Variants in PBX1 observed in about 807,000 individuals in gnomAD.
PBX1 encodes the protein PBX homeobox 1.
In PBX1, 6 loss-of-function variants were observed where a neutral mutation model predicts 53.4. The observed-to-expected ratio is 0.11, with a 90% CI of 0.06 to 0.22. The LOEUF is 0.22. Ranked by LOEUF, PBX1 falls within the 10% of genes least tolerant of loss-of-function variation. The pLI is 1.00. For synonymous variants in PBX1, 204 were observed against 212.3 expected (o/e 0.96, Z 0.34); for missense variants, 251 against 551.4 (o/e 0.46, Z 5.46).
At chr1:164,752,439 C>A (rs1666284410) in intron 2 of PBX1, among the ~76,000 whole-genome samples, 1 of 151,946 alleles carries the variant, frequency 6.6e-6, no homozygotes, top group African/African-American at 2.4e-5. Flanking sequence ...AGAAGGAAGA[C>A]ATAGGGGAGA....
At chr1:164,808,560 G>T (rs1475891054) in intron 5 of PBX1, among the ~76,000 whole-genome samples, 1 of 152,212 alleles carries the variant, frequency 6.6e-6, no homozygotes, top group Non-Finnish European at 1.5e-5. Context: ...AGGGAGTAGT[G>T]AAGGCTACTG....
chr1:164,593,110 A>C (rs1002749587), intron 2 of PBX1, among the ~76,000 whole-genome samples: 2 of 152,076 alleles, frequency 1.3e-5, no homozygotes, highest in African/African-American at 4.8e-5. Context: ...GGTGTGTGCC[A>C]CCACACCCAG....
At chr1:164,668,080 C>T (rs183061230) in intron 2 of PBX1, among the ~76,000 whole-genome samples, 10 of 152,254 alleles carry the variant, frequency 6.6e-5, no homozygotes, top group Admixed American at 5.9e-4. Flanking sequence ...TTCTACATGC[C>T]TTTCCTAGGT....
rs897899649 is a variant in PBX1, at chr1:164,883,279, T to TA, written n.258-15901dup. Among the ~76,000 whole-genome samples, 11 of 152,080 alleles carry TA rather than the reference T, an allele frequency of 7.2e-5. 1 individual carries two copies. The highest frequency in any genetic ancestry group is 1.3e-4 in the Admixed American group (2 of 15,250). ...CGATGTTATTAGCGCCTCTCACCCA[T>TA]AAAAAAAATCTGTCTTCAGCTATTG... On this transcript the variant is annotated intron_variant and non_coding_transcript_variant, in intron 2 of 2. Coordinates refer to the PBX1 transcript ENST00000558796.
intron 2 of PBX1, among the ~76,000 whole-genome samples, chr1:164,882,579 A>G (rs1354815177): frequency 6.6e-6 from 1 of 152,158 alleles, no homozygotes; most frequent in Admixed American, 6.5e-5. Flanking sequence ...ACTAACGCAT[A>G]TTTTTTTACT....
chr1:164,691,943 A>C lies in PBX1; in HGVS notation c.266-100551A>C, dbSNP rs1557945903. ...ATGCACAAAATCATTAAAGTGTTAT[A>C]TAAAATTACCTTTAGGGTCTGTGTG... is the stretch of plus-strand genomic sequence containing the variant. On this transcript the variant is annotated intron_variant, in intron 2 of 8. Transcript: ENST00000420696. Among the ~76,000 whole-genome samples, 3 of 152,246 alleles carry C rather than the reference A, an allele frequency of 2.0e-5. No homozygotes were observed. The South Asian group carries it at 6.2e-4, about 32-fold the overall frequency.
chr1:164,567,404 T>C (rs542406821), intron 2 of PBX1, among the ~76,000 whole-genome samples: 4 of 152,266 alleles, frequency 2.6e-5, no homozygotes, highest in African/African-American at 9.6e-5. Flanking sequence ...CAAAAACTTT[T>C]CTTGCTGATG....
intron 2 of PBX1, among the ~76,000 whole-genome samples, chr1:164,697,008 A>G (rs1023889414): frequency 2.0e-5 from 3 of 152,176 alleles, no homozygotes; most frequent in African/African-American, 4.8e-5. Context: ...CCTAATTTTC[A>G]TATGTCCGTC....
rs571097192 is a variant in PBX1 at position 164,715,191 on chromosome 1, C to T, written c.266-77303C>T. 2.0e-5 allele frequency among the ~76,000 whole-genome samples: 3 copies of T among 152,218 alleles called. No individual in the cohort carries two copies. In the East Asian group the frequency reaches 5.8e-4, roughly 29 times the overall value. On this transcript the variant is annotated intron_variant, in intron 2 of 8. Transcript: ENST00000420696. ...TAATTGGGCTTTGCAAGTGATGACT[C>T]CTTCAGAATTAAATGATTTTTCTTC... is the stretch of plus-strand genomic sequence containing the variant.
chr1:164,814,118 T>G (rs140684164), intron 6 of PBX1: 1 of 152,378 alleles, frequency 6.6e-6, no homozygotes, highest in East Asian at 1.9e-4. Flanking sequence ...GATAAACATT[T>G]TAACAGGAAA....
intron 2 of PBX1, among the ~76,000 whole-genome samples, chr1:164,588,742 G>C (rs1461165651): frequency 1.3e-5 from 2 of 151,920 alleles, no homozygotes; most frequent in Non-Finnish European, 2.9e-5. Context: ...CTAGCTCTTG[G>C]CTGGCCGCCC....
intron 2 of PBX1, among the ~76,000 whole-genome samples, chr1:164,777,043 T>G (rs575992329): frequency 1.3e-5 from 2 of 151,920 alleles, no homozygotes; most frequent in Non-Finnish European, 2.9e-5. Context: ...GAAGCTTTTT[T>G]TCTTCTCCCT....
chr1:164,624,832 A>G (rs892325861), intron 2 of PBX1, among the ~76,000 whole-genome samples: 1 of 152,238 alleles, frequency 6.6e-6, no homozygotes, highest in Non-Finnish European at 1.5e-5. Flanking sequence ...GAGACTATAC[A>G]TTCACAGAGG....
intron 2 of PBX1, among the ~76,000 whole-genome samples, chr1:164,717,078 A>T (rs1664142301): frequency 6.6e-6 from 1 of 152,194 alleles, no homozygotes; most frequent in Non-Finnish European, 1.5e-5. Context: ...CAGAATGGTC[A>T]GAAAGAGGAC....
intron 2 of PBX1, among the ~76,000 whole-genome samples, chr1:164,857,135 A>G (rs1443415976): frequency 6.6e-6 from 1 of 152,154 alleles, no homozygotes; most frequent in Non-Finnish European, 1.5e-5. Flanking sequence ...CTGCCCTCAC[A>G]TCAGACACCA....
intron 2 of PBX1, among the ~76,000 whole-genome samples, chr1:164,858,522 C>T (rs1482397828): frequency 6.6e-6 from 1 of 152,030 alleles, no homozygotes; most frequent in Middle Eastern, 3.2e-3. Context: ...CCACAACTCT[C>T]ATAAGAGCCA....
intron 2 of PBX1, among the ~76,000 whole-genome samples, chr1:164,698,038 G>T (rs549068429): frequency 8.1e-4 from 123 of 152,252 alleles, no homozygotes; most frequent in Non-Finnish European, 1.4e-3. Flanking sequence ...AAGCGACTTG[G>T]ATTTTCTAGT....
chr1:164,659,599 A>G (rs572355349), intron 2 of PBX1, among the ~76,000 whole-genome samples: 145 of 152,280 alleles, frequency 9.5e-4, no homozygotes, highest in African/African-American at 3.4e-3. Context: ...TCTTTTTGCT[A>G]TGTGAGTGGA....
chr1:164,651,634 AAAG>A (rs975332296), intron 2 of PBX1, among the ~76,000 whole-genome samples: 2 of 152,072 alleles, frequency 1.3e-5, no homozygotes, highest in Non-Finnish European at 2.9e-5. Flanking sequence ...AACCCTCCAA[AAAG>A]AAGAACAGTT....
Sources: gnomAD v4.1 joint callset for allele counts (sites outside exome capture counted in the v4.1 genomes callset) on GRCh38, gnomAD v4.1.1 for gene constraint, MANE v1.5 for transcripts, NCBI Gene and HGNC (gene_info 2026-07-23, HGNC 2026-07-21) for gene names.